ART3: variants seen among roughly 807,000 people sequenced by gnomAD.
ART3 encodes the protein ADP-ribosyltransferase 3 (inactive).
Under a neutral mutation model 48.5 loss-of-function variants are expected in ART3, and 49 were observed. The observed-to-expected ratio is 1.01, with a 90% confidence interval of 0.80 to 1.28. The LOEUF (loss-of-function observed/expected upper bound fraction) is 1.28. Among genes scored for constraint, ART3 ranks in the 50% most tolerant of loss-of-function variants. The pLI is 0.00. For synonymous variants in ART3, 145 were observed against 157.2 expected, an observed-to-expected ratio of 0.92 and a Z score of 0.58; for missense variants, 438 against 454.3, an observed-to-expected ratio of 0.96 and a Z score of 0.33.
At chr4:76,046,171 T>C (rs1231635638) in intron 1 of ART3, among the ~76,000 whole-genome samples, 4 of 151,994 alleles carry the variant, frequency 2.6e-5, no homozygotes, top group Admixed American at 1.3e-4. Flanking sequence ...CCCTAAACCC[T>C]TGGGGCAAGA....
intron 3 of ART3, among the ~76,000 whole-genome samples, chr4:76,089,488 G>A (rs920068102): frequency 6.6e-6 from 1 of 152,054 alleles, no homozygotes; most frequent in African/African-American, 2.4e-5. Context: ...CTCTTGCTCT[G>A]GCCATGTAAG....
At chr4:76,037,810 TCTC>T (rs1734578876) in intron 1 of ART3, among the ~76,000 whole-genome samples, 2 of 152,232 alleles carry the variant, frequency 1.3e-5, no homozygotes, top group South Asian at 4.1e-4. Context: ...TCAAGAATTT[TCTC>T]CTATTTCCTA....
At chr4:76,060,992 A>G (rs77354349) in intron 1 of ART3, among the ~76,000 whole-genome samples, 5,612 of 152,336 alleles carry the variant, frequency 0.037, 142 homozygotes, top group Middle Eastern at 0.12. Context: ...ATTTTAGCCT[A>G]CAGAGATCTA....
intron 1 of ART3, among the ~76,000 whole-genome samples, chr4:76,024,407 GAAAAA>G (rs72561720): frequency 1.3e-5 from 2 of 150,236 alleles, no homozygotes; most frequent in East Asian, 3.9e-4. Flanking sequence ...CAAAGAAAAA[GAAAAA>G]AAAAGTGTTG....
upstream of ART3, among the ~76,000 whole-genome samples, chr4:76,071,163 A>C (rs1452142047): frequency 1.3e-5 from 2 of 152,098 alleles, no homozygotes; most frequent in Non-Finnish European, 2.9e-5. Context: ...CAGCCTGGCC[A>C]ACATGGTGAA....
intron 1 of ART3, among the ~76,000 whole-genome samples, chr4:76,019,017 G>A (rs2149363335): frequency 6.7e-6 from 1 of 150,258 alleles, no homozygotes; most frequent in East Asian, 2.0e-4. Context: ...ACTCCAGCCT[G>A]GGTGACAGAG....
At chr4:76,022,587 AATC>A (rs1383183936) in intron 1 of ART3, 1 of 1,479,302 alleles carries the variant, frequency 6.8e-7, no homozygotes, top group Non-Finnish European at 9.2e-7. Flanking sequence ...TTAGTTTTAG[AATC>A]ATCACAAACC....
intron 1 of ART3, among the ~76,000 whole-genome samples, chr4:76,040,031 A>G (rs1395099068): frequency 1.3e-5 from 2 of 152,284 alleles, no homozygotes; most frequent in Non-Finnish European, 2.9e-5. Flanking sequence ...TGATATTTTA[A>G]AAAAACATTA....
chr4:76,050,927 G>T (rs1004463861), intron 1 of ART3, among the ~76,000 whole-genome samples: 1 of 152,208 alleles, frequency 6.6e-6, no homozygotes, highest in Middle Eastern at 3.2e-3. Context: ...GCCTGGGGCC[G>T]GCAGGGCCGG....
In ART3 at chr4:76,040,452, A is replaced by G. The variant is rs10033942; in HGVS notation, c.-10+29132A>G. ...ATACACTGGATACACACACACACAC[A>G]CACACACACACACACACACACACAC... On this transcript the variant is annotated intron_variant, in intron 1 of 9. Transcript: ENST00000341029. Among the ~76,000 whole-genome samples the G allele has an allele frequency of 3.7e-3, 135 of 36,226 alleles. 2 individuals carry two copies. The highest frequency in any genetic ancestry group is 0.013 in the East Asian group (2 of 158). 23.8% of individuals were successfully genotyped at this position (36,226 alleles called of 152,430 possible).
Position 76,019,926 on chromosome 4 carries a change from A to G in ART3, c.-10+8606A>G, listed in dbSNP as rs1022097622. ...CATCAGCAGTGGAAGAGCATTCCTCATTGCCTTGCATCCTTGGCAATGGTT... is the reference window on the plus strand; with the variant it reads ...CATCAGCAGTGGAAGAGCATTCCTCGTTGCCTTGCATCCTTGGCAATGGTT... On this transcript the variant is annotated intron_variant, in intron 1 of 9. Transcript: ENST00000341029. Among the ~76,000 whole-genome samples, 4 of 152,192 alleles carry G rather than the reference A, an allele frequency of 2.6e-5. No homozygotes were observed. The East Asian group carries it at 7.7e-4, about 29-fold the overall frequency.
chr4:76,029,847 G>GT (rs1284914228), intron 1 of ART3, among the ~76,000 whole-genome samples: 13 of 152,284 alleles, frequency 8.5e-5, no homozygotes, highest in African/African-American at 3.1e-4. Flanking sequence ...TTAAGTCACT[G>GT]TGAGTGTTTG....
intron 1 of ART3, chr4:76,033,546 A>G (rs544078319): frequency 2.0e-5 from 3 of 152,202 alleles, no homozygotes; most frequent in Non-Finnish European, 4.4e-5. Flanking sequence ...CCGACAAAAG[A>G]AACAACTGTC....
At chr4:76,083,422 G>A (rs967893278) in intron 3 of ART3, among the ~76,000 whole-genome samples, 11 of 152,050 alleles carry the variant, frequency 7.2e-5, no homozygotes, top group African/African-American at 2.4e-4. Flanking sequence ...CTCATCTACC[G>A]TGTATTAGTT....
At chr4:76,066,973 T>C (rs757578059) in intron 1 of ART3, among the ~76,000 whole-genome samples, 1 of 152,158 alleles carries the variant, frequency 6.6e-6, no homozygotes, top group Non-Finnish European at 1.5e-5. Context: ...CTGAGTCTGC[T>C]GCCATAGTTT....
chr4:76,081,283 T>G lies in ART3; in HGVS notation c.70-541T>G, dbSNP rs143040313. On this transcript the variant is annotated intron_variant, in intron 2 of 11. Transcript: ENST00000355810. ...GAGGAAGAAAGATCCATTTTTTTCC[T>G]CTGGGAGCTCTGATTGCTAGACTTT... 3.8e-3 allele frequency among the ~76,000 whole-genome samples: 580 copies of G among 152,340 alleles called. 25 individuals carry two copies. The highest frequency in any genetic ancestry group is 0.036 in the Admixed American group (557 of 15,304).
Position 76,050,235 on chromosome 4 carries a change from T to A in ART3, c.-9-25646T>A, listed in dbSNP as rs201366059. ...GCTGGCTCGGGCAGCCTGCTTTTAT[T>A]CTCTTATCTGGCCCCACCCACGTCC... On this transcript the variant is annotated intron_variant, in intron 1 of 9. Coordinates refer to the ART3 transcript ENST00000341029. Among the ~76,000 whole-genome samples, 289 of 152,156 alleles carry A rather than the reference T, an allele frequency of 1.9e-3. 11 individuals carry two copies. In the East Asian group the frequency reaches 0.05, roughly 27 times the overall value.
At chr4:76,100,134 T>G (rs1010090842) in intron 5 of ART3, among the ~76,000 whole-genome samples, 157 bp from the exon 6 acceptor site, 1 of 151,384 alleles carries the variant, frequency 6.6e-6, no homozygotes, top group Non-Finnish European at 1.5e-5. Flanking sequence ...ACATTTAGAC[T>G]GTGACCGACA....
At chr4:76,076,812 T>A (rs1721188485) in intron 2 of ART3, among the ~76,000 whole-genome samples, 1 of 152,240 alleles carries the variant, frequency 6.6e-6, no homozygotes, top group African/African-American at 2.4e-5. Flanking sequence ...CTGTAACATA[T>A]TTTTATGTAA....
Sources: allele counts gnomAD v4.1 joint callset (sites outside exome capture counted in the v4.1 genomes callset), GRCh38; gene constraint gnomAD v4.1.1; transcripts MANE v1.5; gene names NCBI Gene and HGNC (gene_info 2026-07-23, HGNC 2026-07-21).